Variants in ODF2 observed in about 807,000 individuals in gnomAD.
ODF2 encodes the protein outer dense fiber protein 2.
A neutral mutation model predicts 110.2 loss-of-function variants in ODF2; 47 were observed. The ratio of observed to expected loss-of-function variants is 0.43; its 90% confidence interval spans 0.34 to 0.54. The LOEUF is 0.54. Ranked by LOEUF, ODF2 falls within the 20% of genes least tolerant of loss-of-function variation. The probability of loss-of-function intolerance (pLI) is 0.03; values close to 1 mark genes in which losing one functional copy is unlikely to be tolerated. For synonymous variants in ODF2, 352 were observed against 397.7 expected (o/e 0.89, Z 1.37); for missense variants, 812 against 1,054.5 (o/e 0.77, Z 3.19).
Position 128,485,861 on chromosome 9 carries a change from G to C in ODF2, c.1400+387G>C, listed in dbSNP as rs891040030. 1.3e-5 allele frequency among the ~76,000 whole-genome samples: 2 copies of C among 152,132 alleles called. No individual in the cohort carries two copies. The highest frequency in any genetic ancestry group is 2.4e-5 in the African/African-American group (1 of 41,422). ...GTGACCCGAGTGTCTTCTCTCTGTT[G>C]TCTGTCCAGGGACAGCAGCTGTTTG... On this transcript the variant is annotated intron_variant, in intron 13 of 20. Coordinates refer to ENST00000604420, the Ensembl canonical transcript of ODF2. This position sits in a 1 kb window ranked among gnomAD's most constrained non-coding sequence, Gnocchi z 5.0.
intron 4 of ODF2, 47 bp from the exon 5 acceptor site, chr9:128,469,136 A>C: frequency 6.3e-7 from 1 of 1,583,196 alleles, no homozygotes; most frequent in Non-Finnish European, 8.6e-7. Context: ...ACTCGTGGTC[A>C]AGGTTCTGCC....
intron 6 of ODF2, among the ~76,000 whole-genome samples, chr9:128,472,487 G>C (rs1840274539): frequency 6.6e-6 from 1 of 152,188 alleles, no homozygotes; most frequent in Non-Finnish European, 1.5e-5. Context: ...GGGATTACAG[G>C]CTTTAGCCAC....
At chr9:128,455,553 C>A (rs914710265), upstream of ODF2, among the ~76,000 whole-genome samples, 1 of 56,824 alleles carries the variant, frequency 1.8e-5, no homozygotes, top group Non-Finnish European at 3.1e-5. Flanking sequence ...GAATCTGTCT[C>A]AAAAAAAAAA....
chr9:128,491,409 G>T (rs1170375280), intron 14 of ODF2, among the ~76,000 whole-genome samples: 1 of 150,864 alleles, frequency 6.6e-6, no homozygotes, highest in Non-Finnish European at 1.5e-5. Context: ...TATAATCCCA[G>T]CACTTTGGGA....
chr9:128,481,471 T>C (rs1298222214), intron 8 of ODF2, 109 bp from the exon 9 acceptor site: 4 of 669,214 alleles, frequency 6.0e-6, no homozygotes, highest in Non-Finnish European at 9.2e-6. Flanking sequence ...AGTAAGACTC[T>C]AAAAAAAAAA....
intron 3 of ODF2, among the ~76,000 whole-genome samples, chr9:128,459,969 CTGG>C (rs1185716227): frequency 7.9e-5 from 12 of 151,972 alleles, no homozygotes; most frequent in Admixed American, 7.9e-4. Context: ...AGGATAAGAG[CTGG>C]TGGTGGTTGA....
At position 128,491,723 on chromosome 9, in the gene ODF2, G is replaced by A. The variant is rs1310666562; in HGVS notation, c.1537-703G>A. The stretch of plus-strand genomic sequence containing the variant: ...ACAACCTGGCAGATCCCATGGTGGG[G>A]AAAAACTATGTTACATAGCAGTAAG... On this transcript the variant is annotated intron_variant, in intron 14 of 20. Transcript: ENST00000604420. Among the ~76,000 whole-genome samples, 4 of 152,160 alleles carry A rather than the reference G, an allele frequency of 2.6e-5. No homozygotes were observed. In the East Asian group the frequency reaches 7.7e-4, roughly 29 times the overall value.
intron 3 of ODF2, chr9:128,460,345 T>A: frequency 6.9e-7 from 1 of 1,439,276 alleles, no homozygotes; most frequent in East Asian, 3.0e-5. Context: ...ATCTCCCTTG[T>A]GGTCTTCTGC....
At chr9:128,492,594 CTG>C in intron 15 of ODF2, 58 bp downstream of exon 15, 1 of 1,499,994 alleles carries the variant, frequency 6.7e-7, no homozygotes, top group Non-Finnish European at 9.2e-7. Context: ...CCCCATCAGA[CTG>C]GGGGCTCCCT....
chr9:128,490,116 G>C (rs1425132038), intron 14 of ODF2, among the ~76,000 whole-genome samples: 2 of 152,094 alleles, frequency 1.3e-5, no homozygotes, highest in Non-Finnish European at 2.9e-5. Context: ...ACTGCTTGAG[G>C]CCAGGACTTC....
At chr9:128,489,570 T>C (rs1002439214) in intron 14 of ODF2, among the ~76,000 whole-genome samples, 4 of 152,156 alleles carry the variant, frequency 2.6e-5, no homozygotes, top group African/African-American at 9.7e-5. Flanking sequence ...TTGGAGGAGT[T>C]TATTCATCCT....
chr9:128,497,191 G>C (rs1845688309), intron 18 of ODF2, among the ~76,000 whole-genome samples: 1 of 151,442 alleles, frequency 6.6e-6, no homozygotes, highest in Non-Finnish European at 1.5e-5. Context: ...TGAGCTTGGG[G>C]AGGAGTTAAG....
chr9:128,490,445 G>A (rs1478616972), intron 14 of ODF2, among the ~76,000 whole-genome samples: 5 of 152,014 alleles, frequency 3.3e-5, no homozygotes, highest in East Asian at 1.9e-4. Context: ...ACCATGCCCC[G>A]CTAATTTTTT....
intron 11 of ODF2, 65 bp from the exon 12 acceptor site, chr9:128,484,636 C>T (rs2132044407): frequency 6.6e-7 from 1 of 1,511,490 alleles, no homozygotes; most frequent in Non-Finnish European, 9.0e-7. Context: ...TCACCCTCTG[C>T]TTTGCCTTCC....
rs1843222596 is a variant in ODF2 at position 128,485,691 on chromosome 9, G to T, written c.1400+217G>T. On this transcript the variant is annotated intron_variant, in intron 13 of 20. Coordinates refer to ENST00000604420, the Ensembl canonical transcript of ODF2. This position sits in a 1 kb window ranked among gnomAD's most constrained non-coding sequence, Gnocchi z 5.0. The stretch of plus-strand genomic sequence containing the variant: ...CCTAGTCCTGGGGTCCTACCCTACT[G>T]TCAGGCACTGGCTAGGGGCCGGGTC... Among the ~76,000 whole-genome samples, 1 of 152,154 alleles carries T rather than the reference G, an allele frequency of 6.6e-6. No homozygotes were observed. The highest frequency in any genetic ancestry group is 1.5e-5 in the Non-Finnish European group (1 of 68,028).
intron 9 of ODF2, among the ~76,000 whole-genome samples, chr9:128,482,472 C>CT (rs113203371): frequency 2.4e-4 from 36 of 147,014 alleles, no homozygotes; most frequent in African/African-American, 3.5e-4. Flanking sequence ...AGGCATATGA[C>CT]TTTTTTTTTT....
At chr9:128,497,483 A>ATATATATG (rs1845856323) in intron 18 of ODF2, 1 of 117,862 alleles carries the variant, frequency 8.5e-6, no homozygotes, top group East Asian at 2.5e-4. Context: ...ATATATATAT[A>ATATATATG]TATGTATAAA....
chr9:128,492,306 G>A, intron 14 of ODF2, 120 bp from the exon 15 acceptor site: 1 of 705,418 alleles, frequency 1.4e-6, no homozygotes, highest in South Asian at 1.6e-5. Context: ...CTCAGGGAAA[G>A]TGCTCTGTGG....
intron 5 of ODF2, 104 bp downstream of exon 5, chr9:128,469,457 G>A (rs1285166917): frequency 5.7e-6 from 7 of 1,236,152 alleles, no homozygotes; most frequent in Non-Finnish European, 7.0e-6. Context: ...CAGGCCTTCA[G>A]GCCTCCTCTG....
Sources: gnomAD v4.1 joint callset for allele counts (sites outside exome capture counted in the v4.1 genomes callset) on GRCh38, gnomAD v4.1.1 for gene constraint, Gnocchi (gnomAD v3.1) non-coding constraint, MANE v1.5 for transcripts, NCBI Gene and HGNC (gene_info 2026-07-23, HGNC 2026-07-21) for gene names.